KCNB2: variants seen among roughly 807,000 people sequenced by gnomAD.
KCNB2 encodes delayed rectifier potassium channel protein.
Under a neutral mutation model 61.5 loss-of-function variants are expected in KCNB2, and 15 were observed. The ratio of observed to expected loss-of-function variants is 0.24; its 90% CI spans 0.16 to 0.38. KCNB2 has a LOEUF of 0.38. Among genes scored for constraint, KCNB2 ranks in the 10% least tolerant of loss-of-function variants. The pLI, the probability that KCNB2 is intolerant of heterozygous loss-of-function variation, is 1.00. For missense variants in KCNB2, 828 were observed against 1,125.2 expected, an observed-to-expected ratio of 0.74 and a Z score of 3.78; for synonymous variants, 457 against 446.0, an observed-to-expected ratio of 1.02 and a Z score of -0.31.
intron 2 of KCNB2, among the ~76,000 whole-genome samples, chr8:72,615,084 A>G (rs766808135): frequency 2.0e-5 from 3 of 152,226 alleles, no homozygotes; most frequent in South Asian, 4.1e-4. Flanking sequence ...CCACGTTTGC[A>G]GTGGGTAGGG....
At chr8:72,727,216 C>T (rs1352885111) in intron 2 of KCNB2, among the ~76,000 whole-genome samples, 4 of 151,848 alleles carry the variant, frequency 2.6e-5, no homozygotes, top group South Asian at 2.1e-4. Flanking sequence ...TTTTATACGT[C>T]CCCCCCAGAC....
chr8:72,838,042 ATCAT>A (rs1809813241), intron 2 of KCNB2, among the ~76,000 whole-genome samples: 1 of 152,168 alleles, frequency 6.6e-6, no homozygotes, highest in African/African-American at 2.4e-5. Flanking sequence ...GAAAGTACTC[ATCAT>A]TCATATTCTC....
chr8:72,607,130 G>A (rs750844048), intron 2 of KCNB2, among the ~76,000 whole-genome samples: 23 of 152,294 alleles, frequency 1.5e-4, no homozygotes, highest in East Asian at 9.6e-4. Context: ...CCTGGGTTCC[G>A]TTTTGAGTTA....
intron 2 of KCNB2, among the ~76,000 whole-genome samples, chr8:72,908,725 G>T (rs552288929): frequency 6.6e-6 from 1 of 152,154 alleles, no homozygotes; most frequent in African/African-American, 2.4e-5. Flanking sequence ...CAGCAGGAGC[G>T]CAGGAGCTGA....
intron 2 of KCNB2, among the ~76,000 whole-genome samples, chr8:72,837,570 A>C (rs1224981859): frequency 1.3e-5 from 2 of 152,226 alleles, no homozygotes; most frequent in Non-Finnish European, 2.9e-5. Context: ...TATTAATTAC[A>C]TACAGTGAAA....
intron 2 of KCNB2, among the ~76,000 whole-genome samples, chr8:72,654,473 C>T (rs1431819546): frequency 6.6e-6 from 1 of 152,114 alleles, no homozygotes; most frequent in Non-Finnish European, 1.5e-5. Flanking sequence ...ATAACCAATA[C>T]TTAGTAAATG....
Position 72,568,187 on chromosome 8 carries a change from A to G in KCNB2, c.453A>G (p.Glu151=). 6.2e-7 allele frequency: 1 copy of G among 1,614,146 alleles called. No homozygotes were observed. The highest frequency in any genetic ancestry group is 8.5e-7 in the Non-Finnish European group (1 of 1,180,030). Residue 151 remains glutamate, a synonymous_variant, in exon 2 of 3, where the codon GAA becomes GAG. Transcript: ENST00000523207. ...YHQKKEQMNE[E]LRREAETMRE... is the part of the protein sequence containing the mutation. ...AAAAAAAAGAACAAATGAACGAAGA[A>G]CTGAGGCGAGAGGCAGAGACTATGC...
Position 72,937,136 on chromosome 8 carries a change from T to C in KCNB2, c.1781T>C (p.Ile594Thr), listed in dbSNP as rs575721225. 5.0e-6 allele frequency: 8 copies of C among 1,614,106 alleles called. No individual in the cohort carries two copies. Among genetic ancestry groups the C allele is most frequent in the Admixed American group, 1.7e-5 (1 of 60,028 alleles). Reference sequence around the variant, plus strand: ...CTGGCCGTGGCACAGACCGAGGTCATTGTGGACATGAAGAGCACCTCCAGC... The same window carrying C: ...CTGGCCGTGGCACAGACCGAGGTCACTGTGGACATGAAGAGCACCTCCAGC... ...EQLAVAQTEV[I>T]VDMKSTSSID... The change falls in exon 3 of 3, where the codon ATT becomes ACT. Residue 594 changes from isoleucine (I) to threonine (T), a missense_variant. Transcript: ENST00000523207.
intron 2 of KCNB2, among the ~76,000 whole-genome samples, chr8:72,677,126 C>T (rs1806668991): frequency 6.6e-6 from 1 of 151,982 alleles, no homozygotes; most frequent in African/African-American, 2.4e-5. Context: ...TGGAGAACTC[C>T]TGTGATGCTT....
At chr8:72,858,536 T>C (rs1158733093) in intron 2 of KCNB2, among the ~76,000 whole-genome samples, 1 of 152,248 alleles carries the variant, frequency 6.6e-6, no homozygotes, top group African/African-American at 2.4e-5. Flanking sequence ...ACCTGCTTTG[T>C]TTTGTATTAA....
rs985678549 is a variant in KCNB2 at position 72,910,156 on chromosome 8, A to T, written c.580-25779A>T. Among the ~76,000 whole-genome samples, 5 of 152,316 alleles carry T rather than the reference A, an allele frequency of 3.3e-5. No individual in the cohort carries two copies. In the East Asian group the frequency reaches 9.6e-4, roughly 29 times the overall value. On this transcript the variant is annotated intron_variant, in intron 2 of 2. Coordinates refer to ENST00000523207, the MANE Select transcript of KCNB2 (RefSeq NM_004770.3). ...CATTGCTAAGCCTTTCTGAGCTTTA[A>T]TTTCTTCATTATAAAAATCTGTTAA...
At chr8:72,907,660 CT>C (rs1405480414) in intron 2 of KCNB2, among the ~76,000 whole-genome samples, 2 of 152,154 alleles carry the variant, frequency 1.3e-5, no homozygotes, top group Non-Finnish European at 2.9e-5. Flanking sequence ...AAAATCAAAG[CT>C]GTGTTTAAAA....
chr8:72,674,407 G>A (rs939470446), intron 2 of KCNB2, among the ~76,000 whole-genome samples: 4 of 152,174 alleles, frequency 2.6e-5, no homozygotes, highest in African/African-American at 9.7e-5. Context: ...GACATATCAA[G>A]GTCCACTTAG....
chr8:72,850,297 G>A (rs1379144370), intron 2 of KCNB2, among the ~76,000 whole-genome samples: 1 of 151,612 alleles, frequency 6.6e-6, no homozygotes, highest in Non-Finnish European at 1.5e-5. Flanking sequence ...TTGGCTCACT[G>A]CAACCTCCAC....
chr8:72,659,226 T>C (rs143086188), intron 2 of KCNB2, among the ~76,000 whole-genome samples: 39 of 152,120 alleles, frequency 2.6e-4, no homozygotes, highest in Non-Finnish European at 5.4e-4. Context: ...GAATTTGAAA[T>C]AAGTTGAGGG....
At chr8:72,549,911 T>C (rs564703303) in intron 1 of KCNB2, among the ~76,000 whole-genome samples, 2 of 152,346 alleles carry the variant, frequency 1.3e-5, no homozygotes, top group South Asian at 2.1e-4. Context: ...TCTAATTAAA[T>C]GTTAGATGTC....
intron 1 of KCNB2, among the ~76,000 whole-genome samples, chr8:72,561,809 G>A (rs1331107068): frequency 1.6e-5 from 2 of 122,992 alleles, no homozygotes; most frequent in African/African-American, 3.0e-5. Flanking sequence ...ATATATGAAT[G>A]ATAGTTTTTA....
intron 2 of KCNB2, among the ~76,000 whole-genome samples, chr8:72,856,561 A>G (rs1810211440): frequency 6.6e-6 from 1 of 152,236 alleles, no homozygotes; most frequent in Non-Finnish European, 1.5e-5. Flanking sequence ...TTCTATGTTG[A>G]TGGGATGAAA....
At chr8:72,578,542 C>T (rs369894470) in intron 2 of KCNB2, among the ~76,000 whole-genome samples, 1 of 151,986 alleles carries the variant, frequency 6.6e-6, no homozygotes, top group Admixed American at 6.6e-5. Context: ...CAAAAAAAAT[C>T]GGTTTTAAGC....
Sources: gnomAD v4.1 joint callset for allele counts (sites outside exome capture counted in the v4.1 genomes callset) on GRCh38, gnomAD v4.1.1 for gene constraint, MANE v1.5 for transcripts, NCBI Gene and HGNC (gene_info 2026-07-23, HGNC 2026-07-21) for gene names.